The following CNTNAP3B variants were observed in gnomAD, a reference collection of about 807,000 sequenced individuals.
The protein encoded by CNTNAP3B is contactin-associated protein-like 3B.
A neutral mutation model predicts 108.9 loss-of-function variants in CNTNAP3B; 25 were observed. That is an observed-to-expected ratio of 0.23 (90% CI 0.17 to 0.32). The LOEUF (loss-of-function observed/expected upper bound fraction) is 0.32, where lower values mean the gene tolerates loss of function less well. Ranked by LOEUF, CNTNAP3B falls within the 10% of genes least tolerant of loss-of-function variation. The probability of loss-of-function intolerance (pLI) is 1.00; values close to 1 mark genes in which losing one functional copy is unlikely to be tolerated. For missense variants in CNTNAP3B, 252 were observed against 1,210.4 expected (o/e 0.21, Z 11.75); for synonymous variants, 103 against 473.4 (o/e 0.22, Z 10.16).
intron 2 of CNTNAP3B, among the ~76,000 whole-genome samples, chr9:42,096,167 C>A (rs1827895650): frequency 7.2e-6 from 1 of 139,634 alleles, no homozygotes; most frequent in African/African-American, 2.8e-5. Flanking sequence ...GCAGGCTGCT[C>A]TTGGAGACTG....
At chr9:41,912,241 CA>C (rs1422771976) in intron 18 of CNTNAP3B, among the ~76,000 whole-genome samples, 2 of 96,032 alleles carry the variant, frequency 2.1e-5, no homozygotes, top group African/African-American at 8.7e-5. Flanking sequence ...ATCACTCTTT[CA>C]TATGTCATTC....
intron 3 of CNTNAP3B, among the ~76,000 whole-genome samples, chr9:42,029,024 T>C (rs1826464348): frequency 6.7e-6 from 1 of 149,142 alleles, no homozygotes; most frequent in Admixed American, 6.7e-5. Context: ...TTACTATGCA[T>C]GAAAAGTTAA....
intron 12 of CNTNAP3B, among the ~76,000 whole-genome samples, chr9:41,959,624 C>T (rs528673609): frequency 6.6e-6 from 1 of 152,310 alleles, no homozygotes; most frequent in Admixed American, 6.5e-5. Context: ...TAATTGGTAT[C>T]TTATGGCAGA....
intron 14 of CNTNAP3B, among the ~76,000 whole-genome samples, chr9:41,937,105 A>ATT (rs1415765485): frequency 4.6e-5 from 5 of 109,732 alleles, no homozygotes; most frequent in Admixed American, 1.9e-4. Context: ...TACATTTTTT[A>ATT]TTTATTAATT....
Position 42,126,694 on chromosome 9 carries a change from C to A in CNTNAP3B, c.85+2316G>T, listed in dbSNP as rs376700572. On this transcript the variant is annotated intron_variant, in intron 1 of 23. Coordinates refer to ENST00000377561, the MANE Select transcript of CNTNAP3B (RefSeq NM_001201380.3). ...AAGCGATTCTCCTGCCTCAGCCTCC[C>A]GAGTAGCTGGAATTACAGATGCCTG... 6.3e-3 allele frequency among the ~76,000 whole-genome samples: 855 copies of A among 135,478 alleles called. 114 individuals are homozygous for A. Among genetic ancestry groups the A allele is most frequent in the Non-Finnish European group, 0.01 (669 of 63,816 alleles). 88.9% of individuals were successfully genotyped at this position (135,478 alleles called of 152,430 possible).
intron 1 of CNTNAP3B, among the ~76,000 whole-genome samples, chr9:42,119,497 AC>A (rs1329581311): frequency 8.0e-6 from 1 of 124,470 alleles, no homozygotes; most frequent in Non-Finnish European, 1.7e-5. Context: ...TTCATATGGA[AC>A]CAAAAAAGAG....
intron 13 of CNTNAP3B, among the ~76,000 whole-genome samples, chr9:41,946,270 G>A (rs1292819977): frequency 4.8e-5 from 6 of 125,290 alleles, no homozygotes; most frequent in East Asian, 4.5e-4. Flanking sequence ...TTCAATTAGC[G>A]TTATAGAATA....
In CNTNAP3B at chr9:41,921,490, G is replaced by A. The variant is rs1017989419; in HGVS notation, c.2756-1181C>T. Among the ~76,000 whole-genome samples, 518 of 147,510 alleles carry A rather than the reference G, an allele frequency of 3.5e-3. 3 individuals carry two copies. Among genetic ancestry groups the A allele is most frequent in the African/African-American group, 0.013 (489 of 38,290 alleles). On this transcript the variant is annotated intron_variant, in intron 17 of 23. Transcript: ENST00000377561. ...TGTATCTACCCTCCCCTGTAAATTA[G>A]GTTGGGTGATAATTTGTGATTTAGT...
chr9:41,966,687 G>C (rs1423508012), intron 10 of CNTNAP3B, among the ~76,000 whole-genome samples: 2 of 152,268 alleles, frequency 1.3e-5, no homozygotes, highest in African/African-American at 4.8e-5. Context: ...ACCTATCCTG[G>C]CTGGGTGTGG....
chr9:42,102,910 A>G (rs551530301), intron 2 of CNTNAP3B, among the ~76,000 whole-genome samples: 1 of 81,004 alleles, frequency 1.2e-5, no homozygotes, highest in East Asian at 4.6e-4. Context: ...AATTTGTAAT[A>G]AACTTAGTTG....
Position 41,923,940 on chromosome 9 carries a change from A to G in CNTNAP3B, c.2519T>C (p.Ile840Thr). The change falls in exon 16 of 24, where the codon ATC becomes ACC. Residue 840 changes from isoleucine to threonine, a missense_variant. Transcript: ENST00000377561. Reference protein sequence around the residue: ...FMENLGITDFIRIELRAPTEV... With the variant: ...FMENLGITDFTRIELRAPTEV... ...CAGCCTACCCCGCAGCTCAATCCTG[A>G]TGAAGTCTGTGATCCCCAGGTTCTC... 6.2e-7 allele frequency: 1 copy of G among 1,612,122 alleles called. No homozygotes were observed.
intron 2 of CNTNAP3B, among the ~76,000 whole-genome samples, chr9:42,095,104 G>C (rs1454345612): frequency 1.5e-5 from 2 of 135,818 alleles, no homozygotes; most frequent in Non-Finnish European, 3.1e-5. Context: ...CTGTGCAAAA[G>C]AACAACAGAA....
chr9:41,953,392 C>A lies in CNTNAP3B; in HGVS notation c.1877-6G>T. 1.3e-6 allele frequency: 2 copies of A among 1,536,876 alleles called. No individual in the cohort carries two copies. The highest frequency in any genetic ancestry group is 1.7e-6 in the Non-Finnish European group (2 of 1,143,724). ...CACCGTCCACGCGGAGTCTGCTGAG[C>A]AGAAACGGGCAAAGGAGAGGCATCA... On this transcript the variant is annotated splice_region_variant and splice_polypyrimidine_tract_variant and intron_variant, in intron 12 of 23. Transcript: ENST00000377561.
rs911938809 is a variant in CNTNAP3B at position 42,111,511 on chromosome 9, G to A, written c.86-6772C>T. Among the ~76,000 whole-genome samples the A allele has an allele frequency of 1.2e-4, 16 of 138,346 alleles. 3 individuals are homozygous for A. Among genetic ancestry groups the A allele is most frequent in the African/African-American group, 4.6e-4 (16 of 34,770 alleles). The allele number at this position is 138,346 out of a possible 152,430, so 90.8% of individuals were successfully genotyped here. A position where few individuals can be genotyped will look rare whatever the true frequency, so the allele number is the denominator to read the frequency against. On this transcript the variant is annotated intron_variant, in intron 1 of 23. Coordinates refer to ENST00000377561, the MANE Select transcript of CNTNAP3B (RefSeq NM_001201380.3). Reference sequence around the variant, plus strand: ...CTGAAGCTAAGGCATAGACAGAGCTGCCCAAGAATGAGGCCAGTTGTAGAT... The same window carrying A: ...CTGAAGCTAAGGCATAGACAGAGCTACCCAAGAATGAGGCCAGTTGTAGAT...
chr9:42,087,621 T>G (rs1170321943), intron 2 of CNTNAP3B, among the ~76,000 whole-genome samples: 1 of 143,972 alleles, frequency 6.9e-6, no homozygotes, highest in East Asian at 2.1e-4. Flanking sequence ...ATGAGTAATA[T>G]AGTTCACAGG....
chr9:41,933,477 AT>A (rs1028025038), intron 14 of CNTNAP3B, among the ~76,000 whole-genome samples: 2 of 152,206 alleles, frequency 1.3e-5, no homozygotes, highest in Admixed American at 1.3e-4. Flanking sequence ...AAGTTTTGTA[AT>A]TTTTTCCATA....
intron 2 of CNTNAP3B, among the ~76,000 whole-genome samples, chr9:42,083,606 A>AT (rs1278535572): frequency 4.4e-4 from 1 of 2,260 alleles, no homozygotes; most frequent in African/African-American, 3.0e-3. Flanking sequence ...TAAAAGGGAA[A>AT]TTAGCAAGTA....
intron 13 of CNTNAP3B, among the ~76,000 whole-genome samples, chr9:41,942,636 T>TAAAAA (rs534894864): frequency 6.9e-6 from 1 of 145,334 alleles, no homozygotes; most frequent in African/African-American, 2.6e-5. Context: ...ATAAAAACAT[T>TAAAAA]AAAAAAAAAA....
intron 13 of CNTNAP3B, among the ~76,000 whole-genome samples, chr9:41,950,708 T>C (rs1189603646): frequency 1.3e-5 from 2 of 149,986 alleles, no homozygotes; most frequent in African/African-American, 4.9e-5. Flanking sequence ...GAGAACATAC[T>C]AGTGGTTATT....
Sources: gnomAD v4.1 joint callset for allele counts (sites outside exome capture counted in the v4.1 genomes callset) on GRCh38, gnomAD v4.1.1 for gene constraint, MANE v1.5 for transcripts, NCBI Gene and HGNC (gene_info 2026-07-23, HGNC 2026-07-21) for gene names.